The following PSMG1 variants were observed in gnomAD, a reference collection of about 807,000 sequenced individuals.
The protein encoded by PSMG1 is Down syndrome critical region gene 2.
In PSMG1, 23 loss-of-function variants were observed where a neutral mutation model predicts 37.2. The observed-to-expected ratio is 0.62, with a 90% confidence interval of 0.44 to 0.88. The LOEUF (loss-of-function observed/expected upper bound fraction) is 0.88. Ranked by LOEUF, PSMG1 falls within the 40% of genes least tolerant of loss-of-function variation. The pLI is 0.00. For synonymous variants in PSMG1, 127 were observed against 128.0 expected, an observed-to-expected ratio of 0.99 and a Z score of 0.05; for missense variants, 340 against 344.2, an observed-to-expected ratio of 0.99 and a Z score of 0.10.
chr21:39,176,861 G>A (rs2030642744), intron 6 of PSMG1, among the ~76,000 whole-genome samples: 1 of 152,168 alleles, frequency 6.6e-6, no homozygotes, highest in Non-Finnish European at 1.5e-5. Flanking sequence ...TAAACCAGAG[G>A]CTGTGGACTT....
In PSMG1 at chr21:39,183,447, G is replaced by C; in HGVS notation, c.-62C>G. ...CGCGGGACCGCACGCCGGCTTGCGC[G>C]AGACCACGCTCCCTCACCGCGCGGG... is the stretch of plus-strand genomic sequence containing the variant. On this transcript the variant is annotated 5_prime_UTR_variant, in exon 1 of 7. Coordinates refer to ENST00000331573, the MANE Select transcript of PSMG1 (RefSeq NM_003720.4). The C allele has an allele frequency of 1.3e-6, 2 of 1,505,580 alleles. No homozygotes were observed. The highest frequency in any genetic ancestry group is 2.6e-5 in the East Asian group (1 of 37,834). The allele number at this position is 1,505,580 out of a possible 1,614,324, so 93.3% of individuals were successfully genotyped here. A position where few individuals can be genotyped will look rare whatever the true frequency, so the allele number is the denominator to read the frequency against.
Position 39,181,891 on chromosome 21 carries a change from A to T in PSMG1, c.135-13T>A, listed in dbSNP as rs1476667476. 2.6e-6 allele frequency: 4 copies of T among 1,549,260 alleles called. No homozygotes were observed. The highest frequency in any genetic ancestry group is 3.5e-6 in the Non-Finnish European group (4 of 1,151,542). ...GAGCCGCACTTCCCTAACACAAGAA[A>T]CAAGATGAAACTAAAGCAACTTCAA... On this transcript the variant is annotated splice_polypyrimidine_tract_variant and intron_variant, in intron 1 of 6. Transcript: ENST00000331573.
Position 39,183,239 on chromosome 21 carries a change from C to G in PSMG1, c.134+13G>C, listed in dbSNP as rs1321408231. ...GCTGCGGTGAGCGCGCTGCCCTTAT[C>G]CCGGTGCCTCACCTCTTCCGCGCCA... is the stretch of plus-strand genomic sequence containing the variant. On this transcript the variant is annotated intron_variant, in intron 1 of 6. Coordinates refer to ENST00000331573, the MANE Select transcript of PSMG1 (RefSeq NM_003720.4). The G allele has an allele frequency of 1.9e-6, 3 of 1,573,652 alleles. No homozygotes were observed. The highest frequency in any genetic ancestry group is 3.5e-5 in the Admixed American group (2 of 57,058).
intron 2 of PSMG1, among the ~76,000 whole-genome samples, chr21:39,181,388 G>A (rs370960521): frequency 5.3e-4 from 80 of 151,704 alleles, no homozygotes; most frequent in African/African-American, 1.9e-3. Context: ...CTCCCGCCTC[G>A]GCCTCCCAAA....
chr21:39,177,283 T>A, intron 6 of PSMG1, 152 bp downstream of exon 6: 1 of 683,956 alleles, frequency 1.5e-6, no homozygotes, highest in Non-Finnish European at 2.2e-6. Context: ...ATGATGACAA[T>A]CAAATTCAAA....
At position 39,180,388 on chromosome 21, in the gene PSMG1, C is replaced by A; in HGVS notation, c.290G>T (p.Gly97Val). The change falls in exon 3 of 7, where the codon GGT becomes GTT. Residue 97 changes from glycine to valine, a missense_variant. Transcript: ENST00000331573. ...CCATTCATTCCAGAGTTTAGCACAA[C>A]CAACTTCCTCCCAGACTCCTGAATT... Reference protein sequence around the residue: ...VMNSGVWEEVGCAKLWNEWCR... With the variant: ...VMNSGVWEEVVCAKLWNEWCR... 6.2e-7 allele frequency: 1 copy of A among 1,608,050 alleles called. No homozygotes were observed. Among genetic ancestry groups the A allele is most frequent in the Non-Finnish European group, 8.5e-7 (1 of 1,177,078 alleles).
intron 3 of PSMG1, 41 bp downstream of exon 3, chr21:39,180,244 T>C: frequency 6.5e-7 from 1 of 1,548,920 alleles, no homozygotes; most frequent in Non-Finnish European, 8.7e-7. Context: ...ATGTAAGTGA[T>C]ACTTAAATAA....
At chr21:39,182,042 C>T (rs2030847942) in intron 1 of PSMG1, among the ~76,000 whole-genome samples, 164 bp from the exon 2 acceptor site, 1 of 152,166 alleles carries the variant, frequency 6.6e-6, no homozygotes, top group South Asian at 2.1e-4. Flanking sequence ...TGATAACCAA[C>T]AGATAAAACT....
chr21:39,181,101 G>C (rs2030810846), intron 2 of PSMG1, among the ~76,000 whole-genome samples: 1 of 152,038 alleles, frequency 6.6e-6, no homozygotes, highest in Admixed American at 6.6e-5. Context: ...ACAGCTCCTT[G>C]AGTTTTAAGT....
intron 6 of PSMG1, among the ~76,000 whole-genome samples, chr21:39,175,979 C>CGG (rs1386964865): frequency 1.3e-5 from 2 of 152,160 alleles, no homozygotes; most frequent in African/African-American, 4.8e-5. Context: ...ACACTCCTCA[C>CGG]GGCTCTCCTC....
rs138957098 is a variant in PSMG1, at chr21:39,181,807, G to A, written c.206C>T (p.Ser69Phe). The A allele has an allele frequency of 4.4e-4, 695 of 1,591,340 alleles. 3 individuals carry two copies. In the African/African-American group the frequency reaches 7.6e-3, roughly 18 times the overall value. Residue 69 changes from serine (S) to phenylalanine (F), a missense_variant, in exon 2 of 7, where the codon TCC (serine) becomes TTC (phenylalanine). Physicochemically the swap from Ser to Phe is radical, Grantham distance 155 (BLOSUM62 -2). Coordinates refer to ENST00000331573, the MANE Select transcript of PSMG1 (RefSeq NM_003720.4). Reference protein sequence around the residue: ...EVSLLEKYPCSKFIIAIGNNA... With the variant: ...EVSLLEKYPCFKFIIAIGNNA... ...ATTTCCTATAGCAATTATAAACTTG[G>A]AGCACGGATATTTTTCTAGCAAAGA...
intron 4 of PSMG1, 115 bp downstream of exon 4, chr21:39,179,809 A>G (rs1458830154): frequency 1.1e-6 from 1 of 909,590 alleles, no homozygotes; most frequent in Non-Finnish European, 1.6e-6. Flanking sequence ...AATTCCCACA[A>G]TATTTTAAAG....
intron 6 of PSMG1, 56 bp downstream of exon 6, chr21:39,177,379 G>C (rs935382286): frequency 7.0e-7 from 1 of 1,430,226 alleles, no homozygotes; most frequent in African/African-American, 1.5e-5. Flanking sequence ...ATTTATGTTT[G>C]TTACTAAGCT....
intron 3 of PSMG1, 110 bp downstream of exon 3, chr21:39,180,174 TG>T: frequency 7.4e-7 from 1 of 1,348,764 alleles, no homozygotes; most frequent in Non-Finnish European, 1.0e-6. Context: ...TCAGAAAAAG[TG>T]CACACTGACA....
upstream of PSMG1, chr21:39,183,503 C>G: frequency 7.8e-7 from 1 of 1,281,262 alleles, no homozygotes; most frequent in South Asian, 1.6e-5. Flanking sequence ...AGGCCACGCC[C>G]TCCGCGCACA....
chr21:39,176,392 C>G (rs2030626978), intron 6 of PSMG1, among the ~76,000 whole-genome samples: 2 of 152,232 alleles, frequency 1.3e-5, no homozygotes, highest in Non-Finnish European at 2.9e-5. Context: ...GTAAACAAAA[C>G]AGCCCAGCCC....
At chr21:39,182,238 AATGAACATTC>A (rs2030859975) in intron 1 of PSMG1, among the ~76,000 whole-genome samples, 2 of 152,200 alleles carry the variant, frequency 1.3e-5, no homozygotes, top group Non-Finnish European at 2.9e-5. Context: ...CAAGCCTCCA[AATGAACATTC>A]ATTTTACAGG....
At chr21:39,179,548 G>A (rs2030746659) in intron 4 of PSMG1, among the ~76,000 whole-genome samples, 2 of 152,098 alleles carry the variant, frequency 1.3e-5, no homozygotes, top group Admixed American at 1.3e-4. Context: ...AGAAGAGTCT[G>A]GATTTGATAG....
chr21:39,180,710 G>A (rs1285957808), intron 2 of PSMG1, among the ~76,000 whole-genome samples: 1 of 152,156 alleles, frequency 6.6e-6, no homozygotes, highest in Non-Finnish European at 1.5e-5. Flanking sequence ...ATACTCTTCT[G>A]AAAAACTTTA....
Sources: allele counts gnomAD v4.1 joint callset (sites outside exome capture counted in the v4.1 genomes callset), GRCh38; gene constraint gnomAD v4.1.1; transcripts MANE v1.5; gene names NCBI Gene and HGNC (gene_info 2026-07-23, HGNC 2026-07-21).